The following LRCH1 variants were observed in gnomAD, a reference collection of about 807,000 sequenced individuals.
The protein encoded by LRCH1 is leucine-rich repeat and calponin homology domain-containing protein 1.
A neutral mutation model predicts 94.9 loss-of-function variants in LRCH1; 23 were observed. The ratio of observed to expected loss-of-function variants is 0.24; its 90% CI spans 0.17 to 0.34. The LOEUF (loss-of-function observed/expected upper bound fraction) is 0.34. Among genes scored for constraint, LRCH1 ranks in the 10% least tolerant of loss-of-function variants. The probability of loss-of-function intolerance (pLI) is 1.00; values close to 1 mark genes in which losing one functional copy is unlikely to be tolerated. For missense variants in LRCH1, 790 were observed against 945.9 expected (o/e 0.84, Z 2.16); for synonymous variants, 364 against 354.9 (o/e 1.03, Z -0.29).
intron 1 of LRCH1, among the ~76,000 whole-genome samples, chr13:46,616,283 A>C (rs896884420): frequency 4.6e-5 from 7 of 152,204 alleles, no homozygotes; most frequent in Non-Finnish European, 8.8e-5. Context: ...AATGGCAAAA[A>C]CCAGAAACAG....
intron 4 of LRCH1, among the ~76,000 whole-genome samples, chr13:46,684,430 C>T (rs1240817008): frequency 6.6e-6 from 1 of 152,262 alleles, no homozygotes; most frequent in East Asian, 1.9e-4. Flanking sequence ...TAAGTTTTCT[C>T]CTGCTATGTT....
chr13:46,673,607 C>T (rs746200900), intron 3 of LRCH1, among the ~76,000 whole-genome samples: 49 of 152,146 alleles, frequency 3.2e-4, no homozygotes, highest in South Asian at 2.1e-4. Context: ...TTGGGAGCAC[C>T]CCAAGCATTC....
intron 1 of LRCH1, among the ~76,000 whole-genome samples, chr13:46,633,609 C>T (rs1267242405): frequency 6.6e-6 from 1 of 152,200 alleles, no homozygotes; most frequent in Non-Finnish European, 1.5e-5. Context: ...ATGGTAGCAG[C>T]TGCTGGAGGG....
At chr13:46,620,100 T>G (rs970949457) in intron 1 of LRCH1, among the ~76,000 whole-genome samples, 1 of 152,202 alleles carries the variant, frequency 6.6e-6, no homozygotes, top group African/African-American at 2.4e-5. Context: ...GTTTCCAAAT[T>G]TGACAAGTAG....
chr13:46,671,056 G>A (rs893961070), intron 3 of LRCH1, among the ~76,000 whole-genome samples: 10 of 152,284 alleles, frequency 6.6e-5, no homozygotes, highest in African/African-American at 2.2e-4. Context: ...TCACCTCTTC[G>A]GGTTCATCTC....
At chr13:46,576,117 G>A (rs1398776671) in intron 1 of LRCH1, among the ~76,000 whole-genome samples, 2 of 152,134 alleles carry the variant, frequency 1.3e-5, no homozygotes, top group African/African-American at 2.4e-5. Flanking sequence ...CAGGCTTGAG[G>A]CTTGCTGGCG....
At chr13:46,729,087 C>G in intron 18 of LRCH1, 103 bp downstream of exon 18, 1 of 1,136,802 alleles carries the variant, frequency 8.8e-7, no homozygotes, top group Non-Finnish European at 1.2e-6. Flanking sequence ...TTGCTCAAAT[C>G]TTTTCCATTG....
In LRCH1 at chr13:46,744,189, C is replaced by A. The variant is rs192429422; in HGVS notation, c.*2341C>A. On this transcript the variant is annotated 3_prime_UTR_variant, in exon 20 of 20. Coordinates refer to ENST00000389797, the MANE Select transcript of LRCH1 (RefSeq NM_001164211.2). ...TGCCTGCGGATGCCTGCCCTTGCAG[C>A]TTGACTGGGGATACCTGGCTGACCT... 1.9e-4 allele frequency: 185 copies of A among 985,398 alleles called. 1 individual carries two copies. The highest frequency in any genetic ancestry group is 1.0e-3 in the Middle Eastern group (2 of 1,914). 61.0% of individuals were successfully genotyped at this position (985,398 alleles called of 1,614,324 possible).
At chr13:46,598,064 T>G (rs2050584624) in intron 1 of LRCH1, among the ~76,000 whole-genome samples, 1 of 152,100 alleles carries the variant, frequency 6.6e-6, no homozygotes, top group African/African-American at 2.4e-5. Context: ...GCAGATCACC[T>G]GAGGTAAGGA....
intron 18 of LRCH1, 43 bp downstream of exon 18, chr13:46,729,027 T>G: frequency 6.4e-7 from 1 of 1,569,158 alleles, no homozygotes. Context: ...AAAACAGACC[T>G]TTAGGGGGCA....
intron 17 of LRCH1, among the ~76,000 whole-genome samples, chr13:46,725,098 A>G (rs1593378405): frequency 6.6e-6 from 1 of 152,228 alleles, no homozygotes; most frequent in Non-Finnish European, 1.5e-5. Context: ...GCAAATTAAT[A>G]CAGAAATGGA....
At chr13:46,591,732 G>A (rs1179244846) in intron 1 of LRCH1, among the ~76,000 whole-genome samples, 2 of 152,232 alleles carry the variant, frequency 1.3e-5, no homozygotes, top group Non-Finnish European at 2.9e-5. Flanking sequence ...CCTGTTGACA[G>A]ACAAGCATAT....
intron 6 of LRCH1, among the ~76,000 whole-genome samples, chr13:46,688,270 TATAA>T (rs1436106757): frequency 2.6e-5 from 4 of 152,234 alleles, no homozygotes; most frequent in African/African-American, 9.6e-5. Flanking sequence ...TGTGCATACT[TATAA>T]ATAAGATCTA....
chr13:46,651,133 C>T (rs757287263), intron 2 of LRCH1, among the ~76,000 whole-genome samples: 3 of 152,142 alleles, frequency 2.0e-5, no homozygotes, highest in East Asian at 1.9e-4. Context: ...TATATCTTTA[C>T]GGTGAATACA....
At chr13:46,653,331 T>C (rs550178699) in intron 2 of LRCH1, among the ~76,000 whole-genome samples, 1 of 152,280 alleles carries the variant, frequency 6.6e-6, no homozygotes, top group South Asian at 2.1e-4. Flanking sequence ...TATTCTCCCA[T>C]ACTGAATCAT....
intron 2 of LRCH1, among the ~76,000 whole-genome samples, chr13:46,664,673 A>G (rs1385903250): frequency 6.6e-6 from 1 of 152,182 alleles, no homozygotes; most frequent in Non-Finnish European, 1.5e-5. Context: ...GAGCACACCT[A>G]TGCTCTCTAT....
At chr13:46,584,291 T>G (rs115072764) in intron 1 of LRCH1, among the ~76,000 whole-genome samples, 159 of 152,290 alleles carry the variant, frequency 1.0e-3, no homozygotes, top group African/African-American at 3.6e-3. Flanking sequence ...TTTTCACATG[T>G]GATTTGAGAG....
intron 1 of LRCH1, among the ~76,000 whole-genome samples, chr13:46,571,115 C>CA (rs1419699034): frequency 2.0e-5 from 3 of 152,138 alleles, no homozygotes; most frequent in African/African-American, 7.2e-5. Flanking sequence ...CTCATACCTA[C>CA]AAAAAAGGAA....
Position 46,558,946 on chromosome 13 carries a change from A to T in LRCH1, c.307+5243A>T, listed in dbSNP as rs17342953. 8.3e-3 allele frequency among the ~76,000 whole-genome samples: 1,258 copies of T among 152,300 alleles called. 4 individuals are homozygous for T. Among genetic ancestry groups the T allele is most frequent in the Middle Eastern group, 0.017 (5 of 294 alleles). ...TGTCAGCCTGTGGGAATAACACCCT[A>T]GCTCTGTGTGATCTGGCTCTCTCAA... On this transcript the variant is annotated intron_variant, in intron 1 of 19. Coordinates refer to ENST00000389797, the MANE Select transcript of LRCH1 (RefSeq NM_001164211.2).
Sources: gnomAD v4.1 joint callset for allele counts (sites outside exome capture counted in the v4.1 genomes callset) on GRCh38, gnomAD v4.1.1 for gene constraint, MANE v1.5 for transcripts, NCBI Gene and HGNC (gene_info 2026-07-23, HGNC 2026-07-21) for gene names.